The following CTCF variants were observed in gnomAD, a reference collection of about 807,000 sequenced individuals.
CTCF encodes the protein CCCTC-binding factor.
In CTCF, 7 loss-of-function variants were observed where a neutral mutation model predicts 72.3. That is an observed-to-expected ratio of 0.10 (90% CI 0.06 to 0.18). The LOEUF (loss-of-function observed/expected upper bound fraction) is 0.18, where lower values mean the gene tolerates loss of function less well. Among genes scored for constraint, CTCF ranks in the 10% least tolerant of loss-of-function variants. The pLI is 1.00. For synonymous variants in CTCF, 374 were observed against 315.8 expected, an observed-to-expected ratio of 1.18 and a Z score of -1.95; for missense variants, 516 against 949.1, an observed-to-expected ratio of 0.54 and a Z score of 6.00.
At chr16:67,574,858 C>G (rs1312415858) in intron 2 of CTCF, among the ~76,000 whole-genome samples, 2 of 150,340 alleles carry the variant, frequency 1.3e-5, no homozygotes, top group Non-Finnish European at 3.0e-5. Context: ...AGAGTTTCAC[C>G]TTGTCAGCCA....
chr16:67,597,637 C>T (rs924822445), intron 2 of CTCF, among the ~76,000 whole-genome samples: 18 of 152,252 alleles, frequency 1.2e-4, no homozygotes, highest in African/African-American at 4.1e-4. Context: ...ACACTTGGCC[C>T]TGCCAATGCT....
At chr16:67,581,618 G>A (rs1361597334) in intron 2 of CTCF, among the ~76,000 whole-genome samples, 2 of 151,888 alleles carry the variant, frequency 1.3e-5, no homozygotes, top group Admixed American at 6.6e-5. Context: ...ATTCTCCTTC[G>A]TTAGCCTCCG....
intron 10 of CTCF, among the ~76,000 whole-genome samples, chr16:67,636,439 T>C (rs2052429048): frequency 6.8e-6 from 1 of 146,670 alleles, no homozygotes; most frequent in Admixed American, 6.8e-5. Flanking sequence ...TCCCGGCCAC[T>C]CAGGAGGCTG....
chr16:67,600,084 G>A (rs2051866719), intron 2 of CTCF, among the ~76,000 whole-genome samples: 1 of 152,208 alleles, frequency 6.6e-6, no homozygotes, highest in South Asian at 2.1e-4. Flanking sequence ...AGATGCCAGA[G>A]AAACTGAGAT....
chr16:67,576,747 G>A (rs566801901), intron 2 of CTCF, among the ~76,000 whole-genome samples: 2 of 151,956 alleles, frequency 1.3e-5, no homozygotes, highest in South Asian at 2.1e-4. Flanking sequence ...AGCCAGGATG[G>A]TCTGGATCTC....
At chr16:67,591,712 TA>T (rs1206308700) in intron 2 of CTCF, among the ~76,000 whole-genome samples, 1 of 150,622 alleles carries the variant, frequency 6.6e-6, no homozygotes, top group Non-Finnish European at 1.5e-5. Context: ...AAAAACTGAT[TA>T]CTTTTTTTGG....
intron 10 of CTCF, 105 bp downstream of exon 10, chr16:67,629,638 C>G (rs2052335825): frequency 9.1e-7 from 1 of 1,104,362 alleles, no homozygotes; most frequent in Admixed American, 2.8e-5. Flanking sequence ...GGCACACACT[C>G]TTCCTTTCTT....
chr16:67,609,358 C>T (rs1051382369), intron 2 of CTCF, among the ~76,000 whole-genome samples: 1 of 152,176 alleles, frequency 6.6e-6, no homozygotes, highest in African/African-American at 2.4e-5. Context: ...CTTATTCCCA[C>T]TGAAATTATA....
At chr16:67,570,215 T>C (rs1359163923) in intron 1 of CTCF, among the ~76,000 whole-genome samples, 1 of 151,574 alleles carries the variant, frequency 6.6e-6, no homozygotes, top group Non-Finnish European at 1.5e-5. Flanking sequence ...TAGCTGGGAC[T>C]ACAGGCACCC....
chr16:67,595,008 G>A (rs188198120), intron 2 of CTCF, among the ~76,000 whole-genome samples: 1 of 152,284 alleles, frequency 6.6e-6, no homozygotes, highest in East Asian at 1.9e-4. Flanking sequence ...TCAAAGGTGA[G>A]GTTGGGTGGG....
At position 67,638,943 on chromosome 16, in the gene CTCF, C is replaced by T. The variant is rs1373238921; in HGVS notation, c.*1071C>T. The T allele has an allele frequency of 4.9e-6, 1 of 204,290 alleles. No homozygotes were observed. Among genetic ancestry groups the T allele is most frequent in the Non-Finnish European group, 1.0e-5 (1 of 99,550 alleles). The allele number at this position is 204,290 out of a possible 1,614,324, so 12.7% of individuals were successfully genotyped here. ...TTTAAAAATGTGTTTTTTAGAGAGC[C>T]TCAGTCTTACTGATTTCAAACACTT... On this transcript the variant is annotated 3_prime_UTR_variant, in exon 12 of 12. Transcript: ENST00000264010.
intron 2 of CTCF, among the ~76,000 whole-genome samples, chr16:67,576,560 T>G (rs902805135): frequency 6.7e-6 from 1 of 148,328 alleles, no homozygotes; most frequent in South Asian, 2.2e-4. Flanking sequence ...GTTTTTTTTT[T>G]TTTTTTTTTT....
chr16:67,575,989 T>TA (rs35681914), intron 2 of CTCF, among the ~76,000 whole-genome samples: 5,190 of 114,094 alleles, frequency 0.045, 127 homozygotes, highest in African/African-American at 0.062. Flanking sequence ...ACCTTGTCTG[T>TA]AAAAAAAAAA....
At chr16:67,567,915 T>TTTTTTA (rs869253544) in intron 1 of CTCF, 1 of 121,148 alleles carries the variant, frequency 8.3e-6, no homozygotes, top group African/African-American at 3.3e-5. Context: ...TTTTTTTTTT[T>TTTTTTA]GAGACAGGTT....
At chr16:67,609,234 C>T (rs567496566) in intron 2 of CTCF, among the ~76,000 whole-genome samples, 1 of 152,272 alleles carries the variant, frequency 6.6e-6, no homozygotes, top group South Asian at 2.1e-4. Context: ...TATGCATCAT[C>T]TCACATCCTT....
intron 4 of CTCF, 73 bp from the exon 5 acceptor site, chr16:67,616,672 G>A (rs1243518416): frequency 6.5e-7 from 1 of 1,544,228 alleles, no homozygotes; most frequent in Non-Finnish European, 8.9e-7. Context: ...TAGCAGTTCT[G>A]TGCCACACAT....
chr16:67,596,361 T>C (rs569645420), intron 2 of CTCF, among the ~76,000 whole-genome samples: 183 of 152,288 alleles, frequency 1.2e-3, no homozygotes, highest in Non-Finnish European at 1.3e-3. Flanking sequence ...TTTTTTCTTA[T>C]TCATCTGCCA....
chr16:67,631,671 G>GCCC (rs2052366666), intron 10 of CTCF, among the ~76,000 whole-genome samples: 1 of 104,578 alleles, frequency 9.6e-6, no homozygotes. Context: ...CTGTAACAAG[G>GCCC]TCCCCCCCAC....
intron 5 of CTCF, among the ~76,000 whole-genome samples, chr16:67,618,357 G>A (rs1244125090): frequency 1.3e-5 from 2 of 152,062 alleles, no homozygotes; most frequent in Non-Finnish European, 2.9e-5. Flanking sequence ...AGGCAAGATC[G>A]CACCACTGCA....
Sources: gnomAD v4.1 joint callset for allele counts (sites outside exome capture counted in the v4.1 genomes callset) on GRCh38, gnomAD v4.1.1 for gene constraint, MANE v1.5 for transcripts, NCBI Gene and HGNC (gene_info 2026-07-23, HGNC 2026-07-21) for gene names.